Variants in CAMK2A observed in about 807,000 individuals in gnomAD.
CAMK2A encodes calcium/calmodulin dependent protein kinase II alpha, also known as calcium/calmodulin-dependent protein kinase type II subunit alpha.
In CAMK2A, 7 loss-of-function variants were observed where a neutral mutation model predicts 79.2. The observed-to-expected ratio is 0.09, with a 90% CI of 0.05 to 0.17. The LOEUF (loss-of-function observed/expected upper bound fraction) is 0.17, where lower values mean the gene tolerates loss of function less well. Among genes scored for constraint, CAMK2A ranks in the 10% least tolerant of loss-of-function variants. CAMK2A has a pLI of 1.00. For synonymous variants in CAMK2A, 242 were observed against 251.7 expected, an observed-to-expected ratio of 0.96 and a Z score of 0.36; for missense variants, 214 against 646.4, an observed-to-expected ratio of 0.33 and a Z score of 7.25.
chr5:150,247,070 T>G (rs1006880508), intron 12 of CAMK2A, among the ~76,000 whole-genome samples: 2 of 152,172 alleles, frequency 1.3e-5, no homozygotes, highest in Non-Finnish European at 2.9e-5. Context: ...CTGACAATAA[T>G]CCCTTCCCCT....
rs200955209 is a variant in CAMK2A at position 150,281,522 on chromosome 5, AC to A, written c.62+8041del. On this transcript the variant is annotated intron_variant, in intron 1 of 18. Coordinates refer to ENST00000671881, the MANE Select transcript of CAMK2A (RefSeq NM_015981.4). ...CCATAATGTCTTACTTTTGAAGTCC[AC>A]CCCCTCCTATTCCAAAGCTGAAGAA... 3.9e-4 allele frequency among the ~76,000 whole-genome samples: 59 copies of A among 152,010 alleles called. No homozygotes were observed. In the East Asian group the frequency reaches 9.5e-3, roughly 24 times the overall value.
At chr5:150,238,151 C>T (rs1755166891) in intron 15 of CAMK2A, 1 of 155,052 alleles carries the variant, frequency 6.4e-6, no homozygotes, top group African/African-American at 2.4e-5. Context: ...AATATATATC[C>T]TCTAACATAA....
chr5:150,229,019 C>T (rs1174356070), intron 16 of CAMK2A, among the ~76,000 whole-genome samples: 1 of 152,194 alleles, frequency 6.6e-6, no homozygotes, highest in Non-Finnish European at 1.5e-5. Context: ...TTTCCCATCT[C>T]CAGGTCTGTG....
At chr5:150,230,317 C>CAAAAAA in intron 16 of CAMK2A, among the ~76,000 whole-genome samples, 1 of 60,638 alleles carries the variant, frequency 1.6e-5, no homozygotes, top group Non-Finnish European at 2.9e-5. Context: ...GACTCCGTCT[C>CAAAAAA]AAAAAAAAAA....
At chr5:150,267,214 C>A (rs1756548818) in intron 2 of CAMK2A, among the ~76,000 whole-genome samples, 1 of 152,206 alleles carries the variant, frequency 6.6e-6, no homozygotes, top group Admixed American at 6.5e-5. Flanking sequence ...CCAGAGCTGA[C>A]CAGGCGGGGC....
intron 3 of CAMK2A, among the ~76,000 whole-genome samples, chr5:150,261,333 G>A (rs1198265409): frequency 1.3e-5 from 2 of 152,094 alleles, no homozygotes; most frequent in South Asian, 2.1e-4. Flanking sequence ...TTGTTTCAGG[G>A]CCGTTTTCAC....
intron 16 of CAMK2A, 128 bp from the exon 17 acceptor site, chr5:150,228,414 G>A: frequency 1.5e-6 from 1 of 651,420 alleles, no homozygotes; most frequent in Admixed American, 2.9e-5. Flanking sequence ...AGATGGGAAG[G>A]GGCCAGGGGC....
intron 1 of CAMK2A, among the ~76,000 whole-genome samples, chr5:150,280,166 G>C (rs113832398): frequency 4.1e-4 from 63 of 152,290 alleles, no homozygotes; most frequent in African/African-American, 1.4e-3. Context: ...TTCTCTAAAG[G>C]AAGCCTCTTC....
intron 11 of CAMK2A, 129 bp downstream of exon 11, chr5:150,250,097 A>T (rs974293930): frequency 4.4e-6 from 3 of 688,506 alleles, no homozygotes; most frequent in South Asian, 3.4e-5. Flanking sequence ...TCCAGTATGC[A>T]GTAGGTGTTC....
In CAMK2A at chr5:150,251,971, G is replaced by A. The variant is rs750449162; in HGVS notation, c.598+11C>T. ...AGCCAGGGGCACAAAAGGGCCTTAG[G>A]ATGAACTCACCACAAGCCCACAGGT... On this transcript the variant is annotated intron_variant, in intron 8 of 18. Transcript: ENST00000671881. The A allele has an allele frequency of 8.1e-6, 13 of 1,612,448 alleles. No homozygotes were observed. The African/African-American group carries it at 1.3e-4, about 17-fold the overall frequency.
In CAMK2A at chr5:150,289,631, C is replaced by A; in HGVS notation, c.-6G>T. Reference sequence around the variant, plus strand: ...GTGCAGGTGATGGTGGCCATCCTGGCGCTGGGCAGGCAGGTGAGGCTTGGG... The same window carrying A: ...GTGCAGGTGATGGTGGCCATCCTGGAGCTGGGCAGGCAGGTGAGGCTTGGG... On this transcript the variant is annotated 5_prime_UTR_variant, in exon 1 of 19. Transcript: ENST00000671881. 2.5e-6 allele frequency: 4 copies of A among 1,613,390 alleles called. No individual in the cohort carries two copies. Among genetic ancestry groups the A allele is most frequent in the Non-Finnish European group, 1.7e-6 (2 of 1,179,590 alleles).
chr5:150,245,252 G>A, intron 12 of CAMK2A, 51 bp from the exon 13 acceptor site: 1 of 1,576,996 alleles, frequency 6.3e-7, no homozygotes, highest in Middle Eastern at 1.7e-4. Context: ...GGGCACCAGG[G>A]CCCACAGGGC....
chr5:150,239,660 C>T (rs753826796), intron 14 of CAMK2A, 44 bp downstream of exon 14: 12 of 1,601,134 alleles, frequency 7.5e-6, no homozygotes, highest in East Asian at 2.2e-5. Context: ...AGCAAGGGTT[C>T]GAGGCCCAGC....
chr5:150,251,699 C>T (rs1236471125), intron 9 of CAMK2A, 51 bp downstream of exon 9: 2 of 1,406,820 alleles, frequency 1.4e-6, no homozygotes, highest in South Asian at 2.7e-5. Context: ...CTGGCTTTCA[C>T]TGGAAGGGCA....
At position 150,238,674 on chromosome 5, in the gene CAMK2A, T is replaced by C. The variant is rs530438339; in HGVS notation, c.1066+26A>G. 30 of 1,589,370 alleles carry C rather than the reference T, an allele frequency of 1.9e-5. No individual in the cohort carries two copies. In the Admixed American group the frequency reaches 4.3e-4, roughly 23 times the overall value. On this transcript the variant is annotated intron_variant, in intron 15 of 18. Coordinates refer to ENST00000671881, the MANE Select transcript of CAMK2A (RefSeq NM_015981.4). ...GAGCTGGTTCCAGAAGTCTAAGGGGTCCCGACACTGAAGGCCCCTCCCTAC... is the reference window on the plus strand; with the variant it reads ...GAGCTGGTTCCAGAAGTCTAAGGGGCCCCGACACTGAAGGCCCCTCCCTAC...
intron 1 of CAMK2A, among the ~76,000 whole-genome samples, chr5:150,288,018 C>A (rs981739664): frequency 1.3e-5 from 2 of 151,814 alleles, no homozygotes; most frequent in African/African-American, 4.8e-5. Context: ...CCACCTCCCA[C>A]ACATATGCAG....
At chr5:150,242,995 C>A (rs1020028850) in intron 13 of CAMK2A, among the ~76,000 whole-genome samples, 1 of 152,224 alleles carries the variant, frequency 6.6e-6, no homozygotes, top group Non-Finnish European at 1.5e-5. Flanking sequence ...GTCTGTCCTG[C>A]GCCACAGGAA....
intron 13 of CAMK2A, among the ~76,000 whole-genome samples, chr5:150,242,791 C>T (rs1328690655): frequency 6.6e-6 from 1 of 152,242 alleles, no homozygotes; most frequent in Non-Finnish European, 1.5e-5. Flanking sequence ...TCTCCCCACA[C>T]TCCTTCCGGG....
intron 6 of CAMK2A, among the ~76,000 whole-genome samples, chr5:150,255,932 C>A (rs1756038300): frequency 6.6e-6 from 1 of 152,190 alleles, no homozygotes; most frequent in Non-Finnish European, 1.5e-5. Flanking sequence ...GCCACTGATA[C>A]CATGAGGATC....
Sources: allele counts gnomAD v4.1 joint callset (sites outside exome capture counted in the v4.1 genomes callset), GRCh38; gene constraint gnomAD v4.1.1; transcripts MANE v1.5; gene names NCBI Gene and HGNC (gene_info 2026-07-23, HGNC 2026-07-21).